The following ZBTB20 variants were observed in gnomAD, a reference collection of about 807,000 sequenced individuals.
ZBTB20 encodes the protein zinc finger and BTB domain-containing protein 20.
A neutral mutation model predicts 56.9 loss-of-function variants in ZBTB20; 9 were observed. The ratio of observed to expected loss-of-function variants is 0.16; its 90% CI spans 0.10 to 0.28. The LOEUF (loss-of-function observed/expected upper bound fraction) is 0.28. Among genes scored for constraint, ZBTB20 ranks in the 10% least tolerant of loss-of-function variants. The pLI is 1.00. For synonymous variants in ZBTB20, 417 were observed against 420.7 expected, an observed-to-expected ratio of 0.99 and a Z score of 0.11; for missense variants, 655 against 1,003.0, an observed-to-expected ratio of 0.65 and a Z score of 4.69.
chr3:114,338,991 GAGAA>G lies in ZBTB20; in HGVS notation c.*10_*13del, dbSNP rs752731326. The G allele has an allele frequency of 3.7e-5, 55 of 1,491,348 alleles. No individual in the cohort carries two copies. Among genetic ancestry groups the G allele is most frequent in the African/African-American group, 3.6e-4 (26 of 71,342 alleles). 92.4% of individuals were successfully genotyped at this position (1,491,348 alleles called of 1,614,324 possible). A position where few individuals can be genotyped will look rare whatever the true frequency, so the allele number is the denominator to read the frequency against. On this transcript the variant is annotated 3_prime_UTR_variant, in exon 12 of 12. Transcript: ENST00000675478. ...TGTTTTGTTTTGTTCATAAGAAAGA[GAGAA>G]AGATACTACTTATCCGTCAGACACA...
chr3:114,384,926 A>C (rs1032785164), intron 8 of ZBTB20, among the ~76,000 whole-genome samples: 2 of 152,254 alleles, frequency 1.3e-5, no homozygotes, highest in African/African-American at 4.8e-5. Context: ...GCACACATAC[A>C]GTGATGGCAA....
chr3:114,751,606 T>C (rs2067560033), intron 5 of ZBTB20, among the ~76,000 whole-genome samples: 1 of 152,150 alleles, frequency 6.6e-6, no homozygotes, highest in East Asian at 1.9e-4. Flanking sequence ...CTTATCATTT[T>C]CCATCACTGA....
intron 3 of ZBTB20, among the ~76,000 whole-genome samples, chr3:114,914,862 G>A (rs2075681365): frequency 6.6e-6 from 1 of 151,610 alleles, no homozygotes; most frequent in Non-Finnish European, 1.5e-5. Context: ...GTTGATATGT[G>A]GTATTATATT....
chr3:114,651,111 G>C (rs2060106704), intron 6 of ZBTB20, among the ~76,000 whole-genome samples: 1 of 152,044 alleles, frequency 6.6e-6, no homozygotes. Flanking sequence ...GACTGGGCTA[G>C]AATATGTGTT....
intron 1 of ZBTB20, among the ~76,000 whole-genome samples, chr3:115,129,039 C>A (rs986143040): frequency 6.6e-6 from 1 of 151,818 alleles, no homozygotes; most frequent in African/African-American, 2.4e-5. Context: ...GCAGAGCTTG[C>A]AGTGAGCCGA....
chr3:114,488,189 G>A (rs553123972), intron 7 of ZBTB20, among the ~76,000 whole-genome samples: 1 of 152,308 alleles, frequency 6.6e-6, no homozygotes, highest in South Asian at 2.1e-4. Flanking sequence ...CTCCCCTGAA[G>A]GGCGGTGAGG....
At chr3:115,083,789 G>A (rs1449164584) in intron 1 of ZBTB20, among the ~76,000 whole-genome samples, 1 of 151,976 alleles carries the variant, frequency 6.6e-6, no homozygotes, top group Non-Finnish European at 1.5e-5. Context: ...AAATTCCTAA[G>A]TGCTCTCTCT....
chr3:115,100,427 GGAGAGA>G, intron 1 of ZBTB20: 1 of 149,746 alleles, frequency 6.7e-6, no homozygotes, highest in Non-Finnish European at 1.5e-5. Context: ...AGAGAGAAGA[GGAGAGA>G]GAGAGAGAGA....
chr3:114,800,760 T>G (rs1408401189), intron 5 of ZBTB20, among the ~76,000 whole-genome samples: 1 of 130,766 alleles, frequency 7.6e-6, no homozygotes, highest in East Asian at 2.0e-4. Flanking sequence ...AAAAATAAAA[T>G]AAAATAAAAT....
intron 7 of ZBTB20, among the ~76,000 whole-genome samples, chr3:114,400,208 C>A (rs995503926): frequency 6.6e-6 from 1 of 152,060 alleles, no homozygotes; most frequent in Admixed American, 6.6e-5. Context: ...AAGTCACTAA[C>A]TTTTGTGAGT....
intron 6 of ZBTB20, among the ~76,000 whole-genome samples, chr3:114,543,591 C>G (rs2049373835): frequency 6.6e-6 from 1 of 152,166 alleles, no homozygotes; most frequent in Admixed American, 6.6e-5. Context: ...CTATAAAACC[C>G]TTGGCTACTA....
intron 1 of ZBTB20, among the ~76,000 whole-genome samples, chr3:115,109,223 T>C (rs547645199): frequency 6.6e-6 from 1 of 152,248 alleles, no homozygotes; most frequent in African/African-American, 2.4e-5. Context: ...ATGTACAGTT[T>C]ATATTTAATA....
At chr3:114,499,471 A>G (rs2043681700) in intron 7 of ZBTB20, among the ~76,000 whole-genome samples, 1 of 152,240 alleles carries the variant, frequency 6.6e-6, no homozygotes, top group Non-Finnish European at 1.5e-5. Flanking sequence ...GCAAGATATA[A>G]TGTTGTGAAT....
intron 2 of ZBTB20, among the ~76,000 whole-genome samples, chr3:114,996,738 C>A (rs1297413136): frequency 6.6e-6 from 1 of 151,756 alleles, no homozygotes; most frequent in African/African-American, 2.4e-5. Flanking sequence ...GGTATATACC[C>A]AGTAATGGGA....
chr3:115,120,146 G>A lies in ZBTB20; in HGVS notation c.-703+27073C>T, dbSNP rs534383412. 5.9e-5 allele frequency among the ~76,000 whole-genome samples: 9 copies of A among 152,128 alleles called. No individual in the cohort carries two copies. The East Asian group carries it at 1.7e-3, about 29-fold the overall frequency. On this transcript the variant is annotated intron_variant, in intron 1 of 11. Transcript: ENST00000675478. Reference sequence around the variant, plus strand: ...TATTCAAACCCATAAAATGTATAACGCCAAAAGTGAATCCTAACATAAACT... The same window carrying A: ...TATTCAAACCCATAAAATGTATAACACCAAAAGTGAATCCTAACATAAACT...
chr3:114,385,816 C>G (rs754263876), intron 8 of ZBTB20, among the ~76,000 whole-genome samples: 1 of 151,942 alleles, frequency 6.6e-6, no homozygotes, highest in African/African-American at 2.4e-5. Context: ...TGCAGTGAGC[C>G]GAGATGGCGC....
intron 7 of ZBTB20, among the ~76,000 whole-genome samples, chr3:114,458,693 A>G (rs895884484): frequency 6.6e-6 from 1 of 152,042 alleles, no homozygotes; most frequent in African/African-American, 2.4e-5. Context: ...TCAGTGAATT[A>G]TTAACCCATT....
chr3:114,483,809 G>A (rs968750845), intron 7 of ZBTB20, among the ~76,000 whole-genome samples: 6 of 152,108 alleles, frequency 3.9e-5, no homozygotes, highest in African/African-American at 1.4e-4. Context: ...ATTATGATGT[G>A]AGCTTTATTA....
chr3:114,709,547 A>G (rs2063924328), intron 5 of ZBTB20, among the ~76,000 whole-genome samples: 1 of 152,162 alleles, frequency 6.6e-6, no homozygotes, highest in Admixed American at 6.5e-5. Flanking sequence ...AGTACATGCT[A>G]CTCACACAGG....
Sources: gnomAD v4.1 joint callset for allele counts (sites outside exome capture counted in the v4.1 genomes callset) on GRCh38, gnomAD v4.1.1 for gene constraint, MANE v1.5 for transcripts, NCBI Gene and HGNC (gene_info 2026-07-23, HGNC 2026-07-21) for gene names.